The following AMPH variants were observed in gnomAD, a reference collection of about 807,000 sequenced individuals.
AMPH encodes amphiphysin, also known as amphiphysin (Stiff-Mann syndrome with breast cancer 128kD autoantigen).
AMPH carries 49 observed loss-of-function variants against 99.1 expected under a neutral mutation model. The observed-to-expected ratio is 0.49, with a 90% CI of 0.39 to 0.63. The LOEUF is 0.63. Among genes scored for constraint, AMPH ranks in the 20% least tolerant of loss-of-function variants. The probability of loss-of-function intolerance (pLI) is 0.00; values close to 1 mark genes in which losing one functional copy is unlikely to be tolerated. For missense variants in AMPH, 759 were observed against 863.4 expected (o/e 0.88, Z 1.52); for synonymous variants, 314 against 317.3 (o/e 0.99, Z 0.11).
chr7:38,478,532 T>C (rs1788170521), intron 5 of AMPH, among the ~76,000 whole-genome samples: 1 of 152,118 alleles, frequency 6.6e-6, no homozygotes, highest in Non-Finnish European at 1.5e-5. Context: ...CACTATCCTA[T>C]ACATGATGTC....
At chr7:38,467,143 G>T (rs1397197864) in intron 7 of AMPH, among the ~76,000 whole-genome samples, 1 of 152,172 alleles carries the variant, frequency 6.6e-6, no homozygotes, top group Non-Finnish European at 1.5e-5. Context: ...CCCCCAGGAA[G>T]ATCAGACCAG....
intron 1 of AMPH, among the ~76,000 whole-genome samples, chr7:38,562,676 G>A (rs1368428167): frequency 6.6e-6 from 1 of 151,482 alleles, no homozygotes; most frequent in Non-Finnish European, 1.5e-5. Flanking sequence ...AGGGGAGGGA[G>A]AGGAGAGGGG....
At chr7:38,559,677 C>T (rs1163709223) in intron 1 of AMPH, among the ~76,000 whole-genome samples, 2 of 152,210 alleles carry the variant, frequency 1.3e-5, no homozygotes, top group African/African-American at 4.8e-5. Flanking sequence ...AATATAGGTA[C>T]ATTACTAGTC....
chr7:38,531,345 T>A (rs2062272544), intron 2 of AMPH: 1 of 152,250 alleles, frequency 6.6e-6, no homozygotes, highest in African/African-American at 2.4e-5. Flanking sequence ...CAGGCTCTCC[T>A]TGTTTTAATT....
intron 17 of AMPH, among the ~76,000 whole-genome samples, chr7:38,413,154 C>T (rs1436028464): frequency 6.6e-6 from 1 of 152,172 alleles, no homozygotes; most frequent in East Asian, 1.9e-4. Context: ...TAACTAATAA[C>T]CTCTGCACGA....
At chr7:38,503,278 T>G (rs1256428685) in intron 3 of AMPH, among the ~76,000 whole-genome samples, 2 of 152,170 alleles carry the variant, frequency 1.3e-5, no homozygotes, top group African/African-American at 4.8e-5. Context: ...GTGAGAGGGC[T>G]TAGGTGCGTG....
chr7:38,580,776 C>T (rs1439675020), intron 1 of AMPH, among the ~76,000 whole-genome samples: 1 of 137,800 alleles, frequency 7.3e-6, no homozygotes, highest in African/African-American at 2.6e-5. Flanking sequence ...ACTGAAGTTC[C>T]TCTACCACAA....
At chr7:38,422,724 G>A (rs1051485879) in intron 15 of AMPH, among the ~76,000 whole-genome samples, 2 of 152,016 alleles carry the variant, frequency 1.3e-5, no homozygotes, top group Admixed American at 1.3e-4. Context: ...CTGGGCTCAG[G>A]CGATCTACCT....
chr7:38,627,266 G>A (rs1219322281), intron 1 of AMPH, among the ~76,000 whole-genome samples: 4 of 151,822 alleles, frequency 2.6e-5, no homozygotes, highest in Admixed American at 6.6e-5. Context: ...GAAGGAGGCC[G>A]GGCGCGGTGG....
chr7:38,476,881 T>C lies in AMPH; in HGVS notation c.485A>G (p.Asp162Gly). ...CCCTACCTTAGAGATTCGACTCTCA[T>C]CCTTCCTCTTGGAGCTCTGCAGAGC... The part of the protein sequence containing the change: ...LEALQSSKRK[D>G]ESRISKAEEE... The change falls in exon 6 of 21, where the codon GAT becomes GGT. Residue 162 changes from aspartate to glycine, a missense_variant. Asp to Gly is a moderately conservative substitution (Grantham distance 94, BLOSUM62 -1). Coordinates refer to ENST00000356264, the MANE Select transcript of AMPH (RefSeq NM_001635.4). 1 of 1,613,786 alleles carries C rather than the reference T, an allele frequency of 6.2e-7. No individual in the cohort carries two copies. The highest frequency in any genetic ancestry group is 8.5e-7 in the Non-Finnish European group (1 of 1,179,784).
intron 1 of AMPH, among the ~76,000 whole-genome samples, chr7:38,551,686 G>A (rs150683986): frequency 0.011 from 1,699 of 152,282 alleles, 17 homozygotes; most frequent in Middle Eastern, 0.041. Flanking sequence ...TGGACCCAGG[G>A]ATGTGAGTGG....
At chr7:38,495,675 A>G (rs1788906626) in intron 3 of AMPH, among the ~76,000 whole-genome samples, 1 of 151,690 alleles carries the variant, frequency 6.6e-6, no homozygotes, top group African/African-American at 2.4e-5. Context: ...GATCTGCTGT[A>G]TTATTTAAAA....
At chr7:38,617,707 A>G (rs149380956) in intron 1 of AMPH, among the ~76,000 whole-genome samples, 1 of 152,364 alleles carries the variant, frequency 6.6e-6, no homozygotes, top group East Asian at 1.9e-4. Context: ...CTTTAGACTC[A>G]TTGTTGGTGT....
At chr7:38,550,526 C>A (rs182655549) in intron 1 of AMPH, among the ~76,000 whole-genome samples, 2 of 152,282 alleles carry the variant, frequency 1.3e-5, no homozygotes, top group East Asian at 3.9e-4. Context: ...CTCTGTTTCG[C>A]ATTTCCCTCA....
At chr7:38,493,531 A>G (rs1788808668) in intron 4 of AMPH, among the ~76,000 whole-genome samples, 1 of 152,074 alleles carries the variant, frequency 6.6e-6, no homozygotes, top group Admixed American at 6.6e-5. Context: ...ACACAGCGCT[A>G]CTCAGTCTCT....
intron 1 of AMPH, among the ~76,000 whole-genome samples, chr7:38,560,508 G>GC: frequency 6.6e-6 from 1 of 152,308 alleles, no homozygotes; most frequent in South Asian, 2.1e-4. Context: ...CACAGTGCAA[G>GC]CTAGCTGGCA....
chr7:38,441,853 T>TATATATCATATATATC (rs1554336943), intron 11 of AMPH, among the ~76,000 whole-genome samples: 51 of 91,004 alleles, frequency 5.6e-4, no homozygotes, highest in Middle Eastern at 5.7e-3. Context: ...ATATATATCA[T>TATATATCATATATATC]ATATATCATA....
chr7:38,583,535 C>A (rs892085588), intron 1 of AMPH, among the ~76,000 whole-genome samples: 2 of 152,198 alleles, frequency 1.3e-5, no homozygotes, highest in Non-Finnish European at 2.9e-5. Flanking sequence ...TACATGTAGA[C>A]ATTCATAGTG....
At chr7:38,573,507 T>A (rs981428752) in intron 1 of AMPH, among the ~76,000 whole-genome samples, 4 of 152,266 alleles carry the variant, frequency 2.6e-5, no homozygotes, top group African/African-American at 9.6e-5. Flanking sequence ...GTTTAAAGCC[T>A]ATTAACTCCA....
Sources: gnomAD v4.1 joint callset for allele counts (sites outside exome capture counted in the v4.1 genomes callset) on GRCh38, gnomAD v4.1.1 for gene constraint, MANE v1.5 for transcripts, NCBI Gene and HGNC (gene_info 2026-07-23, HGNC 2026-07-21) for gene names.